Variants in PRPF31 observed in about 807,000 individuals in gnomAD.
The protein encoded by PRPF31 is pre-mRNA processing factor 31, also known as U4/U6 small nuclear ribonucleoprotein Prp31.
Under a neutral mutation model 60.4 loss-of-function variants are expected in PRPF31, and 12 were observed. The ratio of observed to expected loss-of-function variants is 0.20; its 90% CI spans 0.13 to 0.32. The LOEUF is 0.32. PRPF31 is among the 10% of genes least tolerant of loss of function. The probability of loss-of-function intolerance (pLI) is 1.00; values close to 1 mark genes in which losing one functional copy is unlikely to be tolerated. For missense variants in PRPF31, 431 were observed against 687.1 expected, an observed-to-expected ratio of 0.63 and a Z score of 4.17; for synonymous variants, 287 against 287.9, an observed-to-expected ratio of 1.00 and a Z score of 0.03.
rs376236959 is a variant in PRPF31 at position 54,126,534 on chromosome 19, C to T, written c.862C>T (p.Arg288Trp). ...CCGTTTTCCGTTGCTCCAGGATCTG[C>T]GGCGGAAAGCGGCCCGGCTGGTGGC... ...DIVQSLPPDL[R>W]RKAARLVAAK... Residue 288 changes from arginine to tryptophan, a missense_variant, in exon 9 of 14, where the codon CGG becomes TGG. Physicochemically the swap from Arg to Trp is moderately radical, Grantham distance 101. Coordinates refer to ENST00000321030, the MANE Select transcript of PRPF31 (RefSeq NM_015629.4). 15 of 1,612,892 alleles carry T rather than the reference C, an allele frequency of 9.3e-6. No homozygotes were observed. Among genetic ancestry groups the T allele is most frequent in the East Asian group, 2.2e-5 (1 of 44,872 alleles).
intron 3 of PRPF31, among the ~76,000 whole-genome samples, chr19:54,121,614 C>T (rs969390330): frequency 2.6e-5 from 4 of 152,096 alleles, no homozygotes; most frequent in Admixed American, 6.5e-5. Flanking sequence ...TGTGGGGAGC[C>T]GTAGGAGGTT....
At chr19:54,122,749 G>A (rs1324182276) in intron 5 of PRPF31, 155 bp downstream of exon 5, 9 of 724,734 alleles carry the variant, frequency 1.2e-5, no homozygotes, top group Non-Finnish European at 2.2e-5. Flanking sequence ...GAGGGACGGA[G>A]CCTGGACAGG....
chr19:54,128,216 G>T lies in PRPF31; in HGVS notation c.1073+16G>T, dbSNP rs751828174. On this transcript the variant is annotated intron_variant, in intron 10 of 13. Transcript: ENST00000321030. ...GCGGCCGCAGGTGAGGGGCCCTGGG[G>T]GTCCGGTAGGCATGGGGGTCATGGA... 1 of 1,569,374 alleles carries T rather than the reference G, an allele frequency of 6.4e-7. No individual in the cohort carries two copies. Among genetic ancestry groups the T allele is most frequent in the Non-Finnish European group, 8.6e-7 (1 of 1,159,222 alleles).
intron 13 of PRPF31, among the ~76,000 whole-genome samples, chr19:54,130,200 G>A (rs2074018709): frequency 7.1e-6 from 1 of 140,446 alleles, no homozygotes; most frequent in Non-Finnish European, 1.5e-5. Flanking sequence ...AGCTCAGTAA[G>A]ATGTCCAGTG....
Position 54,130,396 on chromosome 19 carries a change from C to T in PRPF31, c.1375-911C>T, listed in dbSNP as rs190064575. 2.4e-3 allele frequency among the ~76,000 whole-genome samples: 360 copies of T among 152,254 alleles called. 2 individuals carry two copies. Among genetic ancestry groups the T allele is most frequent in the African/African-American group, 8.3e-3 (344 of 41,564 alleles). On this transcript the variant is annotated intron_variant, in intron 13 of 13. Transcript: ENST00000321030. Reference sequence around the variant, plus strand: ...ATCCCAGCACTTTGGGAGGCCGAGGCAGGTGGATCATGAGGTCAGGAGATC... The same window carrying T: ...ATCCCAGCACTTTGGGAGGCCGAGGTAGGTGGATCATGAGGTCAGGAGATC...
At chr19:54,129,816 C>T (rs1294972908) in intron 13 of PRPF31, among the ~76,000 whole-genome samples, 6 of 151,484 alleles carry the variant, frequency 4.0e-5, no homozygotes, top group African/African-American at 1.2e-4. Context: ...TGGCAGTCAC[C>T]GCATCGTCGG....
In PRPF31 at chr19:54,118,253, G is replaced by A. The variant is rs201994874; in HGVS notation, c.-8-18G>A. 7.6e-5 allele frequency: 123 copies of A among 1,612,232 alleles called. No individual in the cohort carries two copies. Among genetic ancestry groups the A allele is most frequent in the Non-Finnish European group, 9.7e-5 (115 of 1,179,940 alleles). On this transcript the variant is annotated intron_variant, in intron 1 of 13. Transcript: ENST00000321030. ...TTGTCGGGGCAAGTTTTTAGGGAAC[G>A]CTGCTGTCCCTCCCCAGGCCTCGGG...
chr19:54,126,262 A>C (rs1013499913), intron 8 of PRPF31, among the ~76,000 whole-genome samples: 1 of 152,182 alleles, frequency 6.6e-6, no homozygotes, highest in Non-Finnish European at 1.5e-5. Flanking sequence ...GCGTCTCCAC[A>C]GTCACCACCG....
intron 3 of PRPF31, among the ~76,000 whole-genome samples, chr19:54,121,073 C>T (rs1355408454): frequency 6.6e-6 from 1 of 152,094 alleles, no homozygotes; most frequent in Non-Finnish European, 1.5e-5. Context: ...AGATGGATCA[C>T]CTGAGGTCGG....
chr19:54,130,482 G>A (rs1185694020), intron 13 of PRPF31, among the ~76,000 whole-genome samples: 2 of 152,170 alleles, frequency 1.3e-5, no homozygotes, highest in African/African-American at 2.4e-5. Flanking sequence ...AAACTTAGCC[G>A]GGCGTGGTGG....
Position 54,122,062 on chromosome 19 carries a change from C to T in PRPF31, c.322+119C>T. On this transcript the variant is annotated intron_variant, in intron 4 of 13. Transcript: ENST00000321030. ...AAGCCCAAGCTCAGATCGAGGTTGA[C>T]CTGCTGTCACAGAGTGGCTGAAATA... 3.8e-6 allele frequency: 4 copies of T among 1,048,972 alleles called. No individual in the cohort carries two copies. In the Admixed American group the frequency reaches 6.0e-5, roughly 16 times the overall value. The allele number at this position is 1,048,972 out of a possible 1,614,324, so 65.0% of individuals were successfully genotyped here.
At position 54,124,793 on chromosome 19, in the gene PRPF31, G is replaced by A. The variant is rs1219434142; in HGVS notation, c.855+137G>A. The A allele has an allele frequency of 1.1e-5, 12 of 1,050,584 alleles. No individual in the cohort carries two copies. The Admixed American group carries it at 1.2e-4, about 10-fold the overall frequency. The allele number at this position is 1,050,584 out of a possible 1,614,324, so 65.1% of individuals were successfully genotyped here. A position where few individuals can be genotyped will look rare whatever the true frequency, so the allele number is the denominator to read the frequency against. On this transcript the variant is annotated intron_variant, in intron 8 of 13. Transcript: ENST00000321030. Reference sequence around the variant, plus strand: ...AGCTGGGAACAGGGTGGCATGGGACGTGAGAGCCAGGGCTCTGCAGCAGAC... The same window carrying A: ...AGCTGGGAACAGGGTGGCATGGGACATGAGAGCCAGGGCTCTGCAGCAGAC...
intron 12 of PRPF31, 36 bp downstream of exon 12, chr19:54,129,221 G>T: frequency 6.2e-7 from 1 of 1,600,010 alleles, no homozygotes. Flanking sequence ...GGGGACCGAG[G>T]GACACAAGGT....
rs10405542 is a variant in PRPF31, at chr19:54,130,861, G to C, written c.1375-446G>C. The stretch of plus-strand genomic sequence containing the variant: ...CATTAGAGCCCAATGACTGGGTCCT[G>C]TTATTATTTTTAGAGACGGGGGCTC... On this transcript the variant is annotated intron_variant, in intron 13 of 13. Coordinates refer to ENST00000321030, the MANE Select transcript of PRPF31 (RefSeq NM_015629.4). Among the ~76,000 whole-genome samples, 1,436 of 152,224 alleles carry C rather than the reference G, an allele frequency of 9.4e-3. 21 individuals carry two copies. The highest frequency in any genetic ancestry group is 0.033 in the African/African-American group (1,364 of 41,532).
intron 11 of PRPF31, 121 bp downstream of exon 11, chr19:54,128,498 A>AC: frequency 1.0e-6 from 1 of 973,442 alleles, no homozygotes; most frequent in Non-Finnish European, 1.5e-6. Flanking sequence ...GCGCTGCCCC[A>AC]GCCTCCCCCC....
In PRPF31 at chr19:54,123,714, G is replaced by A. The variant is rs759532218; in HGVS notation, c.528-35G>A. ...GGGGCTGGGCACACCAGGCAGGCGG[G>A]AGACCCAGGAGGCTGGGCCCACCCG... On this transcript the variant is annotated intron_variant, in intron 6 of 13. Coordinates refer to ENST00000321030, the MANE Select transcript of PRPF31 (RefSeq NM_015629.4). 11 of 1,596,134 alleles carry A rather than the reference G, an allele frequency of 6.9e-6. No individual in the cohort carries two copies. The East Asian group carries it at 2.5e-4, about 36-fold the overall frequency.
chr19:54,129,508 A>T, intron 13 of PRPF31, 138 bp downstream of exon 13: 1 of 1,096,786 alleles, frequency 9.1e-7, no homozygotes, highest in Non-Finnish European at 1.3e-6. Context: ...TATGCAGAGG[A>T]CGTAGACAGC....
intron 9 of PRPF31, 64 bp downstream of exon 9, chr19:54,126,681 G>C: frequency 6.7e-7 from 1 of 1,491,458 alleles, no homozygotes; most frequent in African/African-American, 1.4e-5. Flanking sequence ...TGTCTCTGCA[G>C]GGAGACCCTC....
intron 3 of PRPF31, 164 bp from the exon 4 acceptor site, chr19:54,121,696 A>C: frequency 1.4e-6 from 1 of 728,378 alleles, no homozygotes; most frequent in South Asian, 1.5e-5. Flanking sequence ...TGAAGGCAGG[A>C]ACACAAGTTC....
Sources: gnomAD v4.1 joint callset for allele counts (sites outside exome capture counted in the v4.1 genomes callset) on GRCh38, gnomAD v4.1.1 for gene constraint, MANE v1.5 for transcripts, NCBI Gene and HGNC (gene_info 2026-07-23, HGNC 2026-07-21) for gene names.